The following ZNF331 variants were observed in gnomAD, a reference collection of about 807,000 sequenced individuals.
ZNF331 encodes the protein C2H2-like zinc finger protein rearranged in thyroid adenomas.
Under a neutral mutation model 7.0 loss-of-function variants are expected in ZNF331, and 2 were observed. That is an observed-to-expected ratio of 0.29 (90% CI 0.12 to 0.90). The LOEUF (loss-of-function observed/expected upper bound fraction) is 0.90, where lower values mean the gene tolerates loss of function less well. ZNF331 is among the 40% of genes least tolerant of loss of function. The probability of loss-of-function intolerance (pLI) is 0.58; values close to 1 mark genes in which losing one functional copy is unlikely to be tolerated. For missense variants in ZNF331, 432 were observed against 587.7 expected (o/e 0.74, Z 2.74); for synonymous variants, 196 against 205.4 (o/e 0.95, Z 0.39).
upstream of ZNF331, chr19:53,536,295 A>G (rs745388871): frequency 1.4e-5 from 2 of 141,466 alleles, no homozygotes; most frequent in Non-Finnish European, 3.1e-5. Context: ...CTGTTCAAAC[A>G]GTCATACATT....
intron 3 of ZNF331, among the ~76,000 whole-genome samples, chr19:53,557,971 A>G (rs535794063): frequency 6.6e-6 from 1 of 152,212 alleles, no homozygotes; most frequent in Non-Finnish European, 1.5e-5. Context: ...GTCTCAGAAA[A>G]AAATAAGCTT....
chr19:53,553,558 T>A (rs1196988384), intron 2 of ZNF331, among the ~76,000 whole-genome samples: 1 of 152,198 alleles, frequency 6.6e-6, no homozygotes, highest in Non-Finnish European at 1.5e-5. Flanking sequence ...AGCTATTTCC[T>A]TGGGATAAAT....
At chr19:53,523,139 A>T (rs1355860852) in intron 2 of ZNF331, 1 of 152,148 alleles carries the variant, frequency 6.6e-6, no homozygotes, top group Non-Finnish European at 1.5e-5. Flanking sequence ...AGGCTGATGA[A>T]CATATCCATC....
intron 2 of ZNF331, among the ~76,000 whole-genome samples, chr19:53,533,108 T>C (rs1034397080): frequency 6.6e-6 from 1 of 151,962 alleles, no homozygotes; most frequent in African/African-American, 2.4e-5. Flanking sequence ...AAGGTCTTTC[T>C]CCTTTCTTAA....
At position 53,571,446 on chromosome 19, in the gene ZNF331, C is replaced by A. The variant is rs1381962186; in HGVS notation, c.10-158C>A. 6.6e-6 allele frequency among the ~76,000 whole-genome samples: 1 copy of A among 152,142 alleles called. No individual in the cohort carries two copies. The highest frequency in any genetic ancestry group is 1.5e-5 in the Non-Finnish European group (1 of 68,044). The stretch of plus-strand genomic sequence containing the variant: ...CAGTGACATGCAGGCATTCTGCTTC[C>A]GTCACAGTTACAGTGATGTCCTTAC... On this transcript the variant is annotated intron_variant, in intron 4 of 5. Transcript: ENST00000449416. This position sits in a 1 kb window ranked among gnomAD's most constrained non-coding sequence, Gnocchi z 4.7.
chr19:53,575,680 GT>G (rs1328074858), intron 5 of ZNF331, among the ~76,000 whole-genome samples: 1 of 148,146 alleles, frequency 6.8e-6, no homozygotes, highest in Admixed American at 6.8e-5. Flanking sequence ...GTTTGTTTTT[GT>G]TTTTTGTTTT....
At chr19:53,568,328 G>A (rs2090264257) in intron 3 of ZNF331, among the ~76,000 whole-genome samples, 1 of 152,064 alleles carries the variant, frequency 6.6e-6, no homozygotes, top group African/African-American at 2.4e-5. Flanking sequence ...TGTGGAGTCA[G>A]GACTCATTAC....
At chr19:53,572,586 T>C (rs148798714) in intron 5 of ZNF331, among the ~76,000 whole-genome samples, 5,263 of 65,732 alleles carry the variant, frequency 0.08, 180 homozygotes, top group East Asian at 0.16. Context: ...TATATACACA[T>C]ATATATTATA....
At chr19:53,565,848 A>C (rs1293525020) in intron 3 of ZNF331, among the ~76,000 whole-genome samples, 1 of 152,122 alleles carries the variant, frequency 6.6e-6, no homozygotes, top group Non-Finnish European at 1.5e-5. Flanking sequence ...TTAAGAAAAA[A>C]AAAGAAACCT....
intron 4 of ZNF331, among the ~76,000 whole-genome samples, chr19:53,569,830 A>G (rs2147642903): frequency 6.6e-6 from 1 of 152,234 alleles, no homozygotes; most frequent in African/African-American, 2.4e-5. Context: ...TTGGAAAGGG[A>G]TGGGGCTGTG....
intron 5 of ZNF331, among the ~76,000 whole-genome samples, chr19:53,575,970 C>T (rs925478635): frequency 6.6e-6 from 1 of 151,794 alleles, no homozygotes; most frequent in African/African-American, 2.4e-5. Flanking sequence ...GCGTGAGCCA[C>T]CGTGCCCAGT....
chr19:53,563,158 G>C (rs1056574170), intron 3 of ZNF331, among the ~76,000 whole-genome samples: 2 of 133,404 alleles, frequency 1.5e-5, no homozygotes, highest in African/African-American at 2.8e-5. Context: ...CGTGATCTCA[G>C]CTCACTGCAA....
chr19:53,556,742 A>G (rs963042938), intron 3 of ZNF331, among the ~76,000 whole-genome samples: 9 of 152,094 alleles, frequency 5.9e-5, no homozygotes, highest in South Asian at 2.1e-4. Flanking sequence ...GGCTCAAGCA[A>G]TCTTCCCACC....
chr19:53,518,147 CAGA>C (rs1272910549), upstream of ZNF331, among the ~76,000 whole-genome samples: 1 of 152,230 alleles, frequency 6.6e-6, no homozygotes, highest in Non-Finnish European at 1.5e-5. Flanking sequence ...ACACAGAAGG[CAGA>C]AGAAGGTGGG....
chr19:53,536,316 T>A (rs527965734), upstream of ZNF331: 3 of 72,890 alleles, frequency 4.1e-5, no homozygotes, highest in Non-Finnish European at 9.2e-5. Context: ...GTACTATCTT[T>A]CTTGTGGTTT....
intron 3 of ZNF331, among the ~76,000 whole-genome samples, chr19:53,568,265 G>A (rs1041530203): frequency 2.0e-5 from 3 of 151,202 alleles, no homozygotes; most frequent in South Asian, 2.1e-4. Context: ...AAAAAAGTAC[G>A]TAAGTTGAAG....
upstream of ZNF331, chr19:53,537,110 G>T (rs1041258693): frequency 6.6e-6 from 1 of 152,150 alleles, no homozygotes; most frequent in African/African-American, 2.4e-5. Flanking sequence ...AAGAGAAAAA[G>T]ATTTTCAGAA....
rs185885060 is a variant in ZNF331, at chr19:53,578,664, C to T, written c.*712C>T. The T allele has an allele frequency of 5.2e-4, 107 of 205,584 alleles. No individual in the cohort carries two copies. The highest frequency in any genetic ancestry group is 1.2e-3 in the African/African-American group (51 of 43,810). 12.7% of individuals were successfully genotyped at this position (205,584 alleles called of 1,614,324 possible). On this transcript the variant is annotated 3_prime_UTR_variant, in exon 6 of 6. Transcript: ENST00000449416. ...CAGGTGTCCACTGCGGGTCTTCAAA[C>T]GTACCCCCCTCAGGTGAGAGGGGAC...
intron 5 of ZNF331, among the ~76,000 whole-genome samples, chr19:53,572,983 C>G (rs2090536331): frequency 6.6e-6 from 1 of 152,084 alleles, no homozygotes; most frequent in South Asian, 2.1e-4. Context: ...CTTTGGGAGG[C>G]TGAGGTGGGC....
Sources: allele counts gnomAD v4.1 joint callset (sites outside exome capture counted in the v4.1 genomes callset), GRCh38; gene constraint gnomAD v4.1.1; non-coding constraint Gnocchi (gnomAD v3.1); transcripts MANE v1.5; gene names NCBI Gene and HGNC (gene_info 2026-07-23, HGNC 2026-07-21).